The following TNFRSF10D variants were observed in gnomAD, a reference collection of about 807,000 sequenced individuals.
The protein encoded by TNFRSF10D is tumor necrosis factor receptor superfamily member 10D.
TNFRSF10D carries 28 observed loss-of-function variants against 42.1 expected under a neutral mutation model. That is an observed-to-expected ratio of 0.66 (90% CI 0.49 to 0.91). TNFRSF10D has a LOEUF of 0.91. Among genes scored for constraint, TNFRSF10D ranks in the 40% least tolerant of loss-of-function variants. The pLI, the probability that TNFRSF10D is intolerant of heterozygous loss-of-function variation, is 0.00. For synonymous variants in TNFRSF10D, 186 were observed against 189.4 expected (o/e 0.98, Z 0.15); for missense variants, 503 against 486.1 (o/e 1.03, Z -0.33).
chr8:23,154,205 C>T (rs946131844), intron 2 of TNFRSF10D, among the ~76,000 whole-genome samples: 5 of 152,110 alleles, frequency 3.3e-5, no homozygotes, highest in Non-Finnish European at 4.4e-5. Flanking sequence ...TGATTACCAG[C>T]GCTGTATTTG....
chr8:23,149,341 G>A (rs894539932), intron 2 of TNFRSF10D, among the ~76,000 whole-genome samples: 27 of 151,490 alleles, frequency 1.8e-4, no homozygotes, highest in South Asian at 8.4e-4. Flanking sequence ...AGGTTCAAGC[G>A]ATTCTCCTGC....
chr8:23,155,076 A>T, intron 1 of TNFRSF10D, 97 bp from the exon 2 acceptor site: 1 of 966,404 alleles, frequency 1.0e-6, no homozygotes, highest in Non-Finnish European at 1.5e-6. Flanking sequence ...GACAAAACCC[A>T]TGAGAGCCTG....
chr8:23,157,673 C>A lies in TNFRSF10D; in HGVS notation c.151-2694G>T, dbSNP rs76564011. Among the ~76,000 whole-genome samples the A allele has an allele frequency of 6.2e-4, 95 of 152,312 alleles. 1 individual carries two copies. In the South Asian group the frequency reaches 7.5e-3, roughly 12 times the overall value. ...TCTCCTTTTCATTCTCTTTTTGCATCATGTGTTCTGCAGCTGTATTACTAG... is the reference window on the plus strand; with the variant it reads ...TCTCCTTTTCATTCTCTTTTTGCATAATGTGTTCTGCAGCTGTATTACTAG... On this transcript the variant is annotated intron_variant, in intron 1 of 8. Transcript: ENST00000312584.
intron 3 of TNFRSF10D, among the ~76,000 whole-genome samples, chr8:23,147,677 A>G (rs1379591040): frequency 2.0e-5 from 3 of 152,176 alleles, no homozygotes; most frequent in Non-Finnish European, 4.4e-5. Flanking sequence ...CTGTAATCAC[A>G]GCACTCTGGG....
Position 23,145,153 on chromosome 8 carries a change from G to A in TNFRSF10D, c.737-64C>T, listed in dbSNP as rs1388483808. 14 of 1,606,890 alleles carry A rather than the reference G, an allele frequency of 8.7e-6. No individual in the cohort carries two copies. The Admixed American group carries it at 2.2e-4, about 25-fold the overall frequency. Reference sequence around the variant, plus strand: ...CCCATGCAGCACCTCCCTCCCAGAGGACAGTGGGGCGCAGGGCTGGCTGGG... The same window carrying A: ...CCCATGCAGCACCTCCCTCCCAGAGAACAGTGGGGCGCAGGGCTGGCTGGG... On this transcript the variant is annotated intron_variant, in intron 5 of 8. Transcript: ENST00000312584.
chr8:23,154,774 A>G, intron 2 of TNFRSF10D, 100 bp downstream of exon 2: 1 of 1,274,636 alleles, frequency 7.8e-7, no homozygotes, highest in Non-Finnish European at 1.1e-6. Context: ...GCCATTTCAC[A>G]ATGCGTGCAT....
At chr8:23,154,727 A>C (rs1800251022) in intron 2 of TNFRSF10D, 147 bp downstream of exon 2, 1 of 942,562 alleles carries the variant, frequency 1.1e-6, no homozygotes, top group Non-Finnish European at 1.6e-6. Flanking sequence ...TGTTCTTACA[A>C]CAAATACACG....
intron 1 of TNFRSF10D, among the ~76,000 whole-genome samples, chr8:23,156,270 CA>C (rs1455204930): frequency 3.7e-3 from 555 of 151,524 alleles, no homozygotes; most frequent in African/African-American, 0.012. Context: ...TGTAAATTTA[CA>C]TTTAATTAAA....
At position 23,149,548 on chromosome 8, in the gene TNFRSF10D, T is replaced by C. The variant is rs568485062; in HGVS notation, c.257-997A>G. The stretch of plus-strand genomic sequence containing the variant: ...GCCACCATGCCACGCCCAGTCTACT[T>C]TTTTTTTTTTTTAACAATAAAATAA... On this transcript the variant is annotated intron_variant, in intron 2 of 8. Coordinates refer to ENST00000312584, the MANE Select transcript of TNFRSF10D (RefSeq NM_003840.5). 1.2e-4 allele frequency among the ~76,000 whole-genome samples: 17 copies of C among 142,852 alleles called. No homozygotes were observed. In the South Asian group the frequency reaches 3.8e-3, roughly 32 times the overall value. 93.7% of individuals were successfully genotyped at this position (142,852 alleles called of 152,430 possible). A position where few individuals can be genotyped will look rare whatever the true frequency, so the allele number is the denominator to read the frequency against.
chr8:23,138,897 T>A (rs1484370232), intron 7 of TNFRSF10D, among the ~76,000 whole-genome samples: 1 of 152,046 alleles, frequency 6.6e-6, no homozygotes, highest in Non-Finnish European at 1.5e-5. Context: ...TTGCTAAGAG[T>A]GACACTTTGG....
At chr8:23,146,813 G>A in intron 4 of TNFRSF10D, 148 bp downstream of exon 4, 1 of 649,618 alleles carries the variant, frequency 1.5e-6, no homozygotes, top group Non-Finnish European at 2.7e-6. Flanking sequence ...GACCAGGAGG[G>A]GCCAACGCAG....
At chr8:23,161,610 C>A (rs1320515766) in intron 1 of TNFRSF10D, among the ~76,000 whole-genome samples, 909 of 152,204 alleles carry the variant, frequency 6.0e-3, no homozygotes, top group African/African-American at 0.019. Flanking sequence ...CATCTGGATC[C>A]CCCGGTCATC....
At chr8:23,148,415 C>CA in intron 3 of TNFRSF10D, 23 bp downstream of exon 3, 1 of 1,585,238 alleles carries the variant, frequency 6.3e-7, no homozygotes, top group Non-Finnish European at 8.6e-7. Context: ...CACCTCTGGG[C>CA]AAGGGGTCCA....
At chr8:23,146,448 G>A (rs1471629259) in intron 4 of TNFRSF10D, among the ~76,000 whole-genome samples, 1 of 152,186 alleles carries the variant, frequency 6.6e-6, no homozygotes, top group African/African-American at 2.4e-5. Flanking sequence ...GAGGCCGGCT[G>A]GGTGGGCTCA....
intron 1 of TNFRSF10D, among the ~76,000 whole-genome samples, chr8:23,157,802 T>C (rs1445228906): frequency 6.6e-6 from 1 of 152,228 alleles, no homozygotes; most frequent in African/African-American, 2.4e-5. Context: ...CTAAAATTGT[T>C]ACAGTAGGCA....
At chr8:23,149,546 CT>C (rs557713767) in intron 2 of TNFRSF10D, among the ~76,000 whole-genome samples, 1,580 of 142,646 alleles carry the variant, frequency 0.011, 9 homozygotes, top group East Asian at 0.042. Flanking sequence ...GCCCAGTCTA[CT>C]TTTTTTTTTT....
At chr8:23,140,148 G>A (rs1814428028) in intron 7 of TNFRSF10D, among the ~76,000 whole-genome samples, 1 of 152,182 alleles carries the variant, frequency 6.6e-6, no homozygotes, top group East Asian at 1.9e-4. Context: ...AACTAACCAG[G>A]CGTGGCAGTG....
intron 2 of TNFRSF10D, among the ~76,000 whole-genome samples, chr8:23,149,643 G>C (rs1800189363): frequency 6.6e-6 from 1 of 151,352 alleles, no homozygotes; most frequent in African/African-American, 2.4e-5. Context: ...CCTGTTTGCT[G>C]TCCACTCACT....
At chr8:23,160,680 T>C (rs1800354611) in intron 1 of TNFRSF10D, among the ~76,000 whole-genome samples, 1 of 151,930 alleles carries the variant, frequency 6.6e-6, no homozygotes, top group Non-Finnish European at 1.5e-5. Context: ...GTCCCCACTG[T>C]CTCCATCCCC....
Sources: allele counts gnomAD v4.1 joint callset (sites outside exome capture counted in the v4.1 genomes callset), GRCh38; gene constraint gnomAD v4.1.1; transcripts MANE v1.5; gene names NCBI Gene and HGNC (gene_info 2026-07-23, HGNC 2026-07-21).